Variants in RBM26 observed in about 807,000 individuals in gnomAD.
The protein encoded by RBM26 is RNA binding motif protein 26.
A neutral mutation model predicts 123.6 loss-of-function variants in RBM26; 30 were observed. The ratio of observed to expected loss-of-function variants is 0.24; its 90% confidence interval spans 0.18 to 0.33. RBM26 has a LOEUF of 0.33. Among genes scored for constraint, RBM26 ranks in the 10% least tolerant of loss-of-function variants. The pLI is 1.00. For missense variants in RBM26, 947 were observed against 1,203.6 expected, an observed-to-expected ratio of 0.79 and a Z score of 3.15; for synonymous variants, 400 against 404.4, an observed-to-expected ratio of 0.99 and a Z score of 0.13.
At chr13:79,327,132 C>CA (rs889908980) in intron 20 of RBM26, among the ~76,000 whole-genome samples, 2 of 151,590 alleles carry the variant, frequency 1.3e-5, no homozygotes, top group African/African-American at 2.4e-5. Context: ...CCCATCTCTA[C>CA]AAAAAATACA....
intron 20 of RBM26, among the ~76,000 whole-genome samples, chr13:79,325,067 T>C (rs2068164396): frequency 6.6e-6 from 1 of 152,110 alleles, no homozygotes; most frequent in Non-Finnish European, 1.5e-5. Flanking sequence ...ACTATCATAA[T>C]ACATTACTCA....
chr13:79,405,074 C>T (rs1276229008), intron 1 of RBM26, among the ~76,000 whole-genome samples: 2 of 152,238 alleles, frequency 1.3e-5, no homozygotes, highest in African/African-American at 4.8e-5. Flanking sequence ...CAGCCCCCAA[C>T]ACAAAATCTA....
downstream of RBM26, among the ~76,000 whole-genome samples, chr13:79,315,986 G>A (rs554427297): frequency 6.6e-6 from 1 of 151,934 alleles, no homozygotes; most frequent in South Asian, 2.1e-4. Flanking sequence ...TAGTTCCTGA[G>A]ATCTGGGAAA....
intron 19 of RBM26, among the ~76,000 whole-genome samples, chr13:79,336,169 CT>C (rs1169290058): frequency 6.6e-6 from 1 of 152,174 alleles, no homozygotes; most frequent in Non-Finnish European, 1.5e-5. Context: ...TACCTACTAG[CT>C]TACCTATTCT....
At chr13:79,331,486 T>G (rs2069362761) in intron 20 of RBM26, among the ~76,000 whole-genome samples, 2 of 142,658 alleles carry the variant, frequency 1.4e-5, no homozygotes, top group Non-Finnish European at 1.5e-5. Flanking sequence ...AAAAAAAAAT[T>G]AACTGGGCGT....
intron 20 of RBM26, among the ~76,000 whole-genome samples, chr13:79,332,205 TG>T (rs2069548365): frequency 6.6e-6 from 1 of 152,202 alleles, no homozygotes; most frequent in Admixed American, 6.5e-5. Flanking sequence ...AGTTTTTTCT[TG>T]GGAAGGCCTA....
Position 79,342,799 on chromosome 13 carries a change from T to C in RBM26, c.2292A>G (p.Thr764=), listed in dbSNP as rs1272060828. ...TTTCTGCTTTATCTTCAGACTTCAT[T>C]GTTTTGTTTTTCTCCAGTTTTGAAA... is the stretch of plus-strand genomic sequence containing the variant. ...MLISKLEKNK[T]MKSEDKAEIM... Residue 764 remains threonine, a synonymous_variant, in exon 17 of 22, where the codon ACA becomes ACG. Transcript: ENST00000438737. 1.9e-6 allele frequency: 3 copies of C among 1,598,626 alleles called. No homozygotes were observed. The highest frequency in any genetic ancestry group is 2.6e-6 in the Non-Finnish European group (3 of 1,174,010).
chr13:79,365,700 C>G lies in RBM26; in HGVS notation c.1295G>C (p.Gly432Ala). Residue 432 changes from glycine (G) to alanine (A), a missense_variant, in exon 9 of 22, where the codon GGC (glycine) becomes GCC (alanine). By Grantham distance (60) the Gly-to-Ala change is moderately conservative. Around this residue, in one of 5 missense-constraint regions of RBM26, gnomAD observed 493 missense variants for 563.1 expected, o/e 0.88. Transcript: ENST00000438737. ...LFTADTYDTD[G>A]YNPEAPSITN... Reference sequence around the variant, plus strand: ...TATGCTTGGGGCTTCAGGATTGTAGCCATCTGTGTCATATGTATCTGGTAA... The same window carrying G: ...TATGCTTGGGGCTTCAGGATTGTAGGCATCTGTGTCATATGTATCTGGTAA... The G allele has an allele frequency of 6.2e-7, 1 of 1,613,540 alleles. No individual in the cohort carries two copies.
intron 20 of RBM26, among the ~76,000 whole-genome samples, chr13:79,330,314 A>G (rs2069097614): frequency 6.6e-6 from 1 of 152,226 alleles, no homozygotes; most frequent in Non-Finnish European, 1.5e-5. Context: ...AAAAACTATG[A>G]AAAGTAATTG....
At chr13:79,350,097 C>T (rs1395123619) in intron 14 of RBM26, among the ~76,000 whole-genome samples, 1 of 152,132 alleles carries the variant, frequency 6.6e-6, no homozygotes, top group African/African-American at 2.4e-5. Flanking sequence ...CACAATGGCA[C>T]CTGCTAAATC....
downstream of RBM26, chr13:79,314,890 A>G (rs915788803): frequency 2.4e-6 from 2 of 827,056 alleles, no homozygotes; most frequent in African/African-American, 1.8e-5. Context: ...AAGAGTGAAC[A>G]TAAAATAATA....
At chr13:79,386,067 C>G (rs1028558018) in intron 1 of RBM26, among the ~76,000 whole-genome samples, 1 of 150,886 alleles carries the variant, frequency 6.6e-6, no homozygotes, top group South Asian at 2.1e-4. Flanking sequence ...AATAGCCTCA[C>G]CTGAAATTAA....
chr13:79,356,369 C>CA (rs72305160), intron 11 of RBM26, among the ~76,000 whole-genome samples: 49,170 of 82,122 alleles, frequency 0.6, 10,968 homozygotes, highest in East Asian at 0.74. Flanking sequence ...GACTCTGTCT[C>CA]AAAAAAAAAA....
intron 1 of RBM26, among the ~76,000 whole-genome samples, chr13:79,384,539 A>T (rs9530913): frequency 0.5 from 76,628 of 151,784 alleles, 19,741 homozygotes; most frequent in Middle Eastern, 0.6. Context: ...TTTACAGGTG[A>T]GAGCAATAGT....
At position 79,354,441 on chromosome 13, in the gene RBM26, G is replaced by T; in HGVS notation, c.1984C>A (p.Gln662Lys). 6.4e-7 allele frequency: 1 copy of T among 1,574,234 alleles called. No homozygotes were observed. Among genetic ancestry groups the T allele is most frequent in the Non-Finnish European group, 8.7e-7 (1 of 1,155,358 alleles). ...EAQSASSDLP[Q>K]NVTKLSVKDR... ...CAATCGTAAGACCTTTGCTTTACCT[G>T]AGGAAGGTCTGAAGAGGCACTCTGG... The change falls in exon 13 of 22, where the codon CAG becomes AAG. Residue 662 changes from glutamine (Q) to lysine (K), a missense_variant and splice_region_variant. Gln to Lys is a moderately conservative substitution (Grantham distance 53, BLOSUM62 1). Around this residue, in one of 5 missense-constraint regions of RBM26, gnomAD observed 493 missense variants for 563.1 expected, o/e 0.88. Transcript: ENST00000438737.
intron 19 of RBM26, among the ~76,000 whole-genome samples, chr13:79,336,464 T>C (rs184235450): frequency 6.6e-6 from 1 of 152,280 alleles, no homozygotes; most frequent in African/African-American, 2.4e-5. Flanking sequence ...ACCTTTGGGA[T>C]ACCACTAAGA....
chr13:79,371,638 T>C (rs1297362114), intron 4 of RBM26, among the ~76,000 whole-genome samples: 2 of 152,080 alleles, frequency 1.3e-5, no homozygotes, highest in Admixed American at 6.6e-5. Flanking sequence ...AGCTAATATA[T>C]GTCAAGCACT....
intron 3 of RBM26, among the ~76,000 whole-genome samples, chr13:79,374,340 G>A (rs377020507): frequency 2.0e-5 from 3 of 152,042 alleles, no homozygotes; most frequent in African/African-American, 4.8e-5. Flanking sequence ...ATGGTGGCAC[G>A]CGCCTGTAAT....
chr13:79,391,232 T>C (rs1352995864), intron 1 of RBM26, among the ~76,000 whole-genome samples: 1 of 152,192 alleles, frequency 6.6e-6, no homozygotes, highest in Non-Finnish European at 1.5e-5. Context: ...CAATTAGAGT[T>C]CATTAATTGA....
Sources: gnomAD v4.1 joint callset for allele counts (sites outside exome capture counted in the v4.1 genomes callset) on GRCh38, gnomAD v4.1.1 for gene constraint, gnomAD v4.1.1 regional missense constraint, MANE v1.5 for transcripts, NCBI Gene and HGNC (gene_info 2026-07-23, HGNC 2026-07-21) for gene names.